Variants in PPP2R2B observed in about 807,000 individuals in gnomAD.
PPP2R2B encodes the protein protein phosphatase 2 regulatory subunit Bbeta.
PPP2R2B carries 5 observed loss-of-function variants against 46.0 expected under a neutral mutation model. That is an observed-to-expected ratio of 0.11 (90% confidence interval 0.06 to 0.23). The LOEUF (loss-of-function observed/expected upper bound fraction) is 0.23, where lower values mean the gene tolerates loss of function less well. Ranked by LOEUF, PPP2R2B falls within the 10% of genes least tolerant of loss-of-function variation. The pLI is 1.00. For missense variants in PPP2R2B, 367 were observed against 575.0 expected (o/e 0.64, Z 3.70); for synonymous variants, 215 against 206.7 (o/e 1.04, Z -0.34).
At chr5:147,022,674 C>T (rs1033362949) in intron 1 of PPP2R2B, among the ~76,000 whole-genome samples, 2 of 151,768 alleles carry the variant, frequency 1.3e-5, no homozygotes, top group Non-Finnish European at 2.9e-5. Context: ...AATAAAATTG[C>T]TGAAAACCAA....
intron 8 of PPP2R2B, among the ~76,000 whole-genome samples, chr5:146,599,653 T>G (rs369488397): frequency 6.6e-6 from 1 of 152,134 alleles, no homozygotes; most frequent in African/African-American, 2.4e-5. Flanking sequence ...ACACACTGTG[T>G]TTTTAATTAT....
At chr5:146,766,953 C>T (rs1257277523) in intron 2 of PPP2R2B, among the ~76,000 whole-genome samples, 1 of 142,996 alleles carries the variant, frequency 7.0e-6, no homozygotes, top group Non-Finnish European at 1.5e-5. Flanking sequence ...ACTTGGGAGG[C>T]TGAGGCAGGA....
intron 5 of PPP2R2B, among the ~76,000 whole-genome samples, chr5:146,662,803 C>T (rs571606228): frequency 6.6e-6 from 1 of 151,816 alleles, no homozygotes; most frequent in Non-Finnish European, 1.5e-5. Context: ...AAAAGGGTTA[C>T]TATTTATGAT....
chr5:146,799,495 ACAGT>A (rs1361777422), intron 2 of PPP2R2B, among the ~76,000 whole-genome samples: 2 of 152,334 alleles, frequency 1.3e-5, no homozygotes, highest in Non-Finnish European at 2.9e-5. Context: ...TCGACAGGCT[ACAGT>A]CACTCTGCCA....
chr5:147,003,917 A>G (rs1754308230), intron 1 of PPP2R2B, among the ~76,000 whole-genome samples: 1 of 152,110 alleles, frequency 6.6e-6, no homozygotes, highest in Non-Finnish European at 1.5e-5. Flanking sequence ...ATTCTAAAAG[A>G]TAAATTTATT....
At chr5:147,036,417 G>A (rs981781875) in intron 1 of PPP2R2B, among the ~76,000 whole-genome samples, 5 of 152,056 alleles carry the variant, frequency 3.3e-5, no homozygotes, top group South Asian at 4.2e-4. Context: ...GTCTATCATC[G>A]ATGGGCACTT....
intron 2 of PPP2R2B, among the ~76,000 whole-genome samples, chr5:147,062,630 C>T (rs1346399806): frequency 6.6e-6 from 1 of 152,056 alleles, no homozygotes; most frequent in African/African-American, 2.4e-5. Flanking sequence ...TGTCCCATGC[C>T]ACCGTGCTCT....
chr5:146,652,285 C>T (rs1028179240), intron 5 of PPP2R2B, among the ~76,000 whole-genome samples: 6 of 152,160 alleles, frequency 3.9e-5, no homozygotes, highest in Non-Finnish European at 7.3e-5. Flanking sequence ...CTCTCACTAT[C>T]GCAAAGGGTG....
At chr5:146,972,779 G>T (rs1231820892) in intron 1 of PPP2R2B, among the ~76,000 whole-genome samples, 2 of 152,072 alleles carry the variant, frequency 1.3e-5, no homozygotes, top group African/African-American at 4.8e-5. Flanking sequence ...TATCTTATAG[G>T]TAAGGATATC....
intron 2 of PPP2R2B, among the ~76,000 whole-genome samples, chr5:146,779,705 C>G (rs549124240): frequency 2.6e-5 from 4 of 152,106 alleles, no homozygotes; most frequent in African/African-American, 7.2e-5. Context: ...GTCTCATCCC[C>G]GGGTTTAATT....
chr5:146,902,878 A>T (rs1000264487), intron 1 of PPP2R2B, among the ~76,000 whole-genome samples: 6 of 152,200 alleles, frequency 3.9e-5, no homozygotes, highest in Admixed American at 3.9e-4. Context: ...CTAATTCTCA[A>T]ATTGTGGTAT....
chr5:147,052,853 TCTC>T (rs1756898663), intron 1 of PPP2R2B, among the ~76,000 whole-genome samples: 1 of 151,560 alleles, frequency 6.6e-6, no homozygotes, highest in African/African-American at 2.4e-5. Flanking sequence ...GAGAACCAAA[TCTC>T]CTCTAATGTA....
rs1253289635 is a variant in PPP2R2B at position 146,832,377 on chromosome 5, ATCTTTTTTTT to A, written c.70+45615_70+45624del. Among the ~76,000 whole-genome samples, 42 of 104,328 alleles carry A rather than the reference ATCTTTTTTTT, an allele frequency of 4.0e-4. 1 individual carries two copies. The East Asian group carries it at 0.01, about 25-fold the overall frequency. The allele number at this position is 104,328 out of a possible 152,430, so 68.4% of individuals were successfully genotyped here. A position where few individuals can be genotyped will look rare whatever the true frequency, so the allele number is the denominator to read the frequency against. On this transcript the variant is annotated intron_variant, in intron 2 of 9. Transcript: ENST00000394411. ...TACACAAGTAAGTGTGCCATTTTTA[ATCTTTTTTTT>A]TTTTTTTTTTTTTTTTTTTTTGAGA...
At chr5:146,903,730 A>G (rs543003243) in intron 1 of PPP2R2B, among the ~76,000 whole-genome samples, 1 of 152,222 alleles carries the variant, frequency 6.6e-6, no homozygotes, top group South Asian at 2.1e-4. Flanking sequence ...TTAAGAGTAC[A>G]TGCTTTAAAA....
intron 7 of PPP2R2B, among the ~76,000 whole-genome samples, chr5:146,627,656 T>C (rs1025143343): frequency 2.0e-5 from 3 of 152,332 alleles, no homozygotes; most frequent in African/African-American, 7.2e-5. Flanking sequence ...GAAGCAGACC[T>C]ACATGGGTTC....
intron 5 of PPP2R2B, among the ~76,000 whole-genome samples, chr5:146,657,822 A>G (rs1776432573): frequency 1.3e-5 from 2 of 152,126 alleles, no homozygotes; most frequent in East Asian, 1.9e-4. Context: ...CTTGCTCCAT[A>G]TCTCCTTGTT....
intron 1 of PPP2R2B, among the ~76,000 whole-genome samples, chr5:146,962,026 T>G (rs980840487): frequency 6.7e-6 from 1 of 150,260 alleles, no homozygotes; most frequent in East Asian, 2.0e-4. Flanking sequence ...CTGGGATTAA[T>G]TTTCTTAACC....
intron 2 of PPP2R2B, among the ~76,000 whole-genome samples, chr5:146,813,997 C>G (rs1757782340): frequency 6.6e-6 from 1 of 152,062 alleles, no homozygotes. Context: ...ATTGCTAAAC[C>G]CTCTCACTTG....
chr5:146,785,709 G>T (rs1755791349), intron 2 of PPP2R2B, among the ~76,000 whole-genome samples: 1 of 152,120 alleles, frequency 6.6e-6, no homozygotes, highest in Non-Finnish European at 1.5e-5. Context: ...AGTCAGATAA[G>T]TTTTGGAAGT....
Sources: gnomAD v4.1 joint callset for allele counts (sites outside exome capture counted in the v4.1 genomes callset) on GRCh38, gnomAD v4.1.1 for gene constraint, MANE v1.5 for transcripts, NCBI Gene and HGNC (gene_info 2026-07-23, HGNC 2026-07-21) for gene names.